The following LRMDA variants were observed in gnomAD, a reference collection of about 807,000 sequenced individuals.
The protein encoded by LRMDA is leucine-rich melanocyte differentiation-associated protein.
In LRMDA, 18 loss-of-function variants were observed where a neutral mutation model predicts 29.8. That is an observed-to-expected ratio of 0.60 (90% CI 0.42 to 0.90). The LOEUF (loss-of-function observed/expected upper bound fraction) is 0.90, where lower values mean the gene tolerates loss of function less well. Among genes scored for constraint, LRMDA ranks in the 40% least tolerant of loss-of-function variants. LRMDA has a pLI of 0.00. For missense variants in LRMDA, 273 were observed against 273.9 expected, an observed-to-expected ratio of 1.00 and a Z score of 0.02; for synonymous variants, 125 against 109.4, an observed-to-expected ratio of 1.14 and a Z score of -0.89.
chr10:76,421,954 G>T (rs561818480), intron 6 of LRMDA, among the ~76,000 whole-genome samples: 1 of 152,250 alleles, frequency 6.6e-6, no homozygotes, highest in East Asian at 1.9e-4. Flanking sequence ...CTGGGAGGAA[G>T]GTCTGGTGGG....
At chr10:75,806,809 C>CAAAA (rs56657815) in intron 2 of LRMDA, among the ~76,000 whole-genome samples, 3 of 77,278 alleles carry the variant, frequency 3.9e-5, no homozygotes, top group African/African-American at 1.2e-4. Context: ...CTGGAAATTG[C>CAAAA]AAAAAAAAAA....
At chr10:76,009,532 G>C (rs568782869) in intron 2 of LRMDA, among the ~76,000 whole-genome samples, 1 of 152,110 alleles carries the variant, frequency 6.6e-6, no homozygotes, top group Non-Finnish European at 1.5e-5. Context: ...TGTGGATTGC[G>C]GGCCAGGAGC....
chr10:76,118,097 T>C (rs999025131), intron 5 of LRMDA, among the ~76,000 whole-genome samples: 5 of 152,220 alleles, frequency 3.3e-5, no homozygotes, highest in South Asian at 2.1e-4. Context: ...AAGGATACTT[T>C]GGGGTGTCAC....
chr10:75,817,871 C>G (rs535413834), intron 2 of LRMDA, among the ~76,000 whole-genome samples: 6 of 152,266 alleles, frequency 3.9e-5, no homozygotes, highest in Admixed American at 2.0e-4. Context: ...TTCATTATCT[C>G]ACGTAAGAGT....
At chr10:75,809,095 G>A (rs1843910858) in intron 2 of LRMDA, among the ~76,000 whole-genome samples, 2 of 152,066 alleles carry the variant, frequency 1.3e-5, no homozygotes, top group Non-Finnish European at 2.9e-5. Flanking sequence ...GGGTCAGCTT[G>A]TTCCAGCTCC....
intron 3 of LRMDA, among the ~76,000 whole-genome samples, chr10:76,041,501 T>A (rs1035632466): frequency 2.0e-5 from 3 of 152,210 alleles, no homozygotes; most frequent in Admixed American, 1.3e-4. Flanking sequence ...TTATGCTGTA[T>A]ATTTAGTATT....
intron 6 of LRMDA, among the ~76,000 whole-genome samples, chr10:76,373,838 A>C (rs976494589): frequency 2.6e-5 from 4 of 152,162 alleles, no homozygotes; most frequent in Non-Finnish European, 5.9e-5. Flanking sequence ...TTAGAGTCTC[A>C]CTAGCATGAA....
chr10:76,045,744 G>A (rs1848428284), intron 3 of LRMDA, among the ~76,000 whole-genome samples: 1 of 152,118 alleles, frequency 6.6e-6, no homozygotes, highest in Non-Finnish European at 1.5e-5. Context: ...TCACTGAGTA[G>A]AGGTTAGAGA....
At chr10:75,915,401 G>A (rs1305882521) in intron 2 of LRMDA, among the ~76,000 whole-genome samples, 1 of 151,760 alleles carries the variant, frequency 6.6e-6, no homozygotes, top group Non-Finnish European at 1.5e-5. Context: ...CTCCCAAAGT[G>A]CTAGGATTAT....
At chr10:76,133,766 G>A (rs1215809769) in intron 5 of LRMDA, among the ~76,000 whole-genome samples, 1 of 152,084 alleles carries the variant, frequency 6.6e-6, no homozygotes, top group Non-Finnish European at 1.5e-5. Flanking sequence ...AGTACACTTT[G>A]TCAACCGCTC....
At chr10:76,289,498 A>G (rs2132345312) in intron 5 of LRMDA, among the ~76,000 whole-genome samples, 1 of 152,274 alleles carries the variant, frequency 6.6e-6, no homozygotes, top group East Asian at 1.9e-4. Flanking sequence ...CCATTACCCT[A>G]TGCAGTATTA....
chr10:76,141,359 T>C (rs974468616), intron 5 of LRMDA, among the ~76,000 whole-genome samples: 3 of 152,134 alleles, frequency 2.0e-5, no homozygotes, highest in African/African-American at 7.2e-5. Context: ...CAAAGCACAG[T>C]TTTAATTAAT....
chr10:75,433,887 G>T (rs73288982), intron 1 of LRMDA, among the ~76,000 whole-genome samples: 1,716 of 152,236 alleles, frequency 0.011, 41 homozygotes, highest in African/African-American at 0.04. Context: ...TGAATGCTGC[G>T]TGGCTTGAAG....
intron 2 of LRMDA, among the ~76,000 whole-genome samples, chr10:75,826,112 T>C (rs559686589): frequency 6.6e-6 from 1 of 152,256 alleles, no homozygotes; most frequent in African/African-American, 2.4e-5. Context: ...TTTGACCTCC[T>C]CAAAAATTAT....
At chr10:76,112,903 A>G (rs920684116) in intron 5 of LRMDA, among the ~76,000 whole-genome samples, 2 of 151,966 alleles carry the variant, frequency 1.3e-5, no homozygotes, top group Non-Finnish European at 2.9e-5. Flanking sequence ...AAAAGGATTA[A>G]CTCCCTCAGA....
intron 2 of LRMDA, among the ~76,000 whole-genome samples, chr10:75,567,625 G>A (rs894064774): frequency 1.3e-5 from 2 of 152,194 alleles, no homozygotes; most frequent in Admixed American, 6.5e-5. Flanking sequence ...GCACCTAAAT[G>A]AAGCTATGTT....
intron 2 of LRMDA, among the ~76,000 whole-genome samples, chr10:75,811,575 T>C (rs1422257567): frequency 2.0e-5 from 3 of 152,206 alleles, no homozygotes; most frequent in East Asian, 1.9e-4. Flanking sequence ...TCCAGAGAGA[T>C]GTTACTTCAA....
chr10:75,765,069 A>G (rs1048652957), intron 2 of LRMDA, among the ~76,000 whole-genome samples: 2 of 151,996 alleles, frequency 1.3e-5, no homozygotes, highest in South Asian at 2.1e-4. Flanking sequence ...AGACATGACT[A>G]TTGGGCCCCA....
chr10:75,484,030 G>A (rs182894331), intron 2 of LRMDA, among the ~76,000 whole-genome samples: 13 of 151,998 alleles, frequency 8.6e-5, no homozygotes, highest in East Asian at 3.9e-4. Context: ...ACCATGGCTC[G>A]CTGCAACCTC....
Sources: allele counts gnomAD v4.1 joint callset (sites outside exome capture counted in the v4.1 genomes callset), GRCh38; gene constraint gnomAD v4.1.1; transcripts MANE v1.5; gene names NCBI Gene and HGNC (gene_info 2026-07-23, HGNC 2026-07-21).